HERC2: variants seen among roughly 807,000 people sequenced by gnomAD.
HERC2 encodes the protein HECT and RLD domain containing E3 ubiquitin protein ligase 2.
HERC2 carries 102 observed loss-of-function variants against 537.7 expected under a neutral mutation model. The ratio of observed to expected loss-of-function variants is 0.19; its 90% CI spans 0.16 to 0.22. HERC2 has a LOEUF of 0.22. HERC2 is among the 10% of genes least tolerant of loss of function. The pLI, the probability that HERC2 is intolerant of heterozygous loss-of-function variation, is 1.00. For synonymous variants in HERC2, 2,224 were observed against 2,466.2 expected, an observed-to-expected ratio of 0.90 and a Z score of 2.91; for missense variants, 4,236 against 6,198.2, an observed-to-expected ratio of 0.68 and a Z score of 10.63.
intron 12 of HERC2, among the ~76,000 whole-genome samples, chr15:28,266,291 A>G (rs1387061691): frequency 6.6e-6 from 1 of 152,150 alleles, no homozygotes; most frequent in Non-Finnish European, 1.5e-5. Context: ...CGAGGTGGGC[A>G]GATCACCTGA....
chr15:28,121,425 G>A lies in HERC2; in HGVS notation c.13193C>T (p.Ala4398Val), dbSNP rs761343009. Residue 4398 changes from alanine (A) to valine (V), a missense_variant, in exon 86 of 93, where the codon GCG becomes GTG. Physicochemically the swap from Ala to Val is moderately conservative, Grantham distance 64 (BLOSUM62 0). Transcript: ENST00000261609. ...RGILISQGKE[A>V]AFRKVVQATM... The stretch of plus-strand genomic sequence containing the variant: ...TGCTTGTACTACTTTCCGGAAAGCC[G>A]CCTCCTAAAACACATCAAACAGACA... 11 of 1,613,700 alleles carry A rather than the reference G, an allele frequency of 6.8e-6. No homozygotes were observed. The highest frequency in any genetic ancestry group is 4.5e-5 in the East Asian group (2 of 44,884).
chr15:28,282,977 G>T (rs751523024), intron 4 of HERC2, among the ~76,000 whole-genome samples: 1 of 148,246 alleles, frequency 6.7e-6, no homozygotes, highest in Non-Finnish European at 1.5e-5. Context: ...GGGATGGGAC[G>T]GGACGGGACT....
At position 28,268,702 on chromosome 15, in the gene HERC2, A is replaced by C; in HGVS notation, c.1447-86T>G. 1 of 1,157,476 alleles carries C rather than the reference A, an allele frequency of 8.6e-7. No homozygotes were observed. Among genetic ancestry groups the C allele is most frequent in the Middle Eastern group, 2.0e-4 (1 of 5,106 alleles). The allele number at this position is 1,157,476 out of a possible 1,614,324, so 71.7% of individuals were successfully genotyped here. A position where few individuals can be genotyped will look rare whatever the true frequency, so the allele number is the denominator to read the frequency against. ...AGCTCTCCGTTATCATGTATCCCCA[A>C]GCAAAGCCTGCTGTAACTCCAAGTG... On this transcript the variant is annotated intron_variant, in intron 11 of 92. Transcript: ENST00000261609. The surrounding 1 kb of genome is among the most constrained non-coding windows in gnomAD (Gnocchi z 4.7).
intron 83 of HERC2, among the ~76,000 whole-genome samples, 191 bp downstream of exon 83, chr15:28,129,972 A>T (rs1889935241): frequency 6.6e-6 from 1 of 151,852 alleles, no homozygotes; most frequent in Non-Finnish European, 1.5e-5. Context: ...GATGATGTTT[A>T]CCGTGTAGGC....
chr15:28,168,964 A>G (rs1336563092), intron 66 of HERC2, among the ~76,000 whole-genome samples: 1 of 152,248 alleles, frequency 6.6e-6, no homozygotes. Flanking sequence ...CATACTGAGC[A>G]GCAACGACTC....
At chr15:28,245,598 C>CATATATGT (rs1567064003) in intron 23 of HERC2, among the ~76,000 whole-genome samples, 3 of 137,044 alleles carry the variant, frequency 2.2e-5, no homozygotes, top group Non-Finnish European at 4.6e-5. Flanking sequence ...CACACACACA[C>CATATATGT]ACACACAGAT....
Position 28,116,862 on chromosome 15 carries a change from G to A in HERC2, c.13415-3C>T. ...CCCACAGTCATCCACAGATTCACCT[G>A]CAGGGGAGAAGCAGCCACTCGAAGT... On this transcript the variant is annotated splice_polypyrimidine_tract_variant and splice_region_variant and intron_variant, in intron 87 of 92. Coordinates refer to ENST00000261609, the MANE Select transcript of HERC2 (RefSeq NM_004667.6). 1 of 1,610,156 alleles carries A rather than the reference G, an allele frequency of 6.2e-7. No homozygotes were observed. Among genetic ancestry groups the A allele is most frequent in the Non-Finnish European group, 8.5e-7 (1 of 1,178,054 alleles).
At chr15:28,269,490 G>A (rs1042043017) in intron 10 of HERC2, 54 bp from the exon 11 acceptor site, 1 of 1,432,520 alleles carries the variant, frequency 7.0e-7, no homozygotes, top group African/African-American at 1.4e-5. Flanking sequence ...ATAAAAAAAG[G>A]CTGGGAGTAA....
intron 45 of HERC2, chr15:28,203,802 T>A (rs1365343510): frequency 6.6e-6 from 1 of 151,854 alleles, no homozygotes. Context: ...CAGCTGAATC[T>A]AAACTGAAGC....
chr15:28,112,951 C>T, intron 92 of HERC2, 120 bp downstream of exon 92: 1 of 761,336 alleles, frequency 1.3e-6, no homozygotes, highest in Non-Finnish European at 2.1e-6. Flanking sequence ...TTTCCATTTT[C>T]ATTTCTGTAA....
intron 69 of HERC2, among the ~76,000 whole-genome samples, chr15:28,156,293 T>C (rs1893003781): frequency 6.6e-6 from 1 of 152,250 alleles, no homozygotes; most frequent in Non-Finnish European, 1.5e-5. Flanking sequence ...TTTCCAATTC[T>C]GTGAAGAAAG....
chr15:28,172,061 G>C (rs1391969912), intron 65 of HERC2, among the ~76,000 whole-genome samples: 1 of 145,910 alleles, frequency 6.9e-6, no homozygotes, highest in Non-Finnish European at 1.5e-5. Context: ...GCGACAGAGC[G>C]AGACTCCGTC....
chr15:28,163,565 C>A (rs957783161), intron 68 of HERC2, among the ~76,000 whole-genome samples: 5 of 152,082 alleles, frequency 3.3e-5, no homozygotes, highest in African/African-American at 1.2e-4. Flanking sequence ...ATTACTGGGA[C>A]CAAGTTTGGA....
intron 69 of HERC2, among the ~76,000 whole-genome samples, chr15:28,153,809 A>G (rs1472527502): frequency 6.6e-6 from 1 of 152,190 alleles, no homozygotes; most frequent in Non-Finnish European, 1.5e-5. Flanking sequence ...CGGAAACAAA[A>G]ACATCAAGGG....
chr15:28,216,630 ACACT>A lies in HERC2; in HGVS notation c.6029-832_6029-829del, dbSNP rs1248434470. 4.7e-5 allele frequency among the ~76,000 whole-genome samples: 7 copies of A among 150,280 alleles called. No individual in the cohort carries two copies. In the South Asian group the frequency reaches 1.3e-3, roughly 28 times the overall value. ...CACACTCACATGCGCTCACACACAC[ACACT>A]CACTCTCACACCCTCATATGCATCC... On this transcript the variant is annotated intron_variant, in intron 38 of 92. Coordinates refer to ENST00000261609, the MANE Select transcript of HERC2 (RefSeq NM_004667.6).
intron 2 of HERC2, among the ~76,000 whole-genome samples, chr15:28,313,191 C>CT (rs1567154723): frequency 2.5e-5 from 2 of 79,002 alleles, no homozygotes; most frequent in African/African-American, 4.0e-5. Flanking sequence ...ACAGTTAAGG[C>CT]ATTTTTTTTT....
At chr15:28,255,775 T>TTA in intron 19 of HERC2, 97 bp downstream of exon 19, 1 of 1,315,014 alleles carries the variant, frequency 7.6e-7, no homozygotes, top group South Asian at 1.4e-5. Flanking sequence ...TGATAAAAGT[T>TTA]TAGAGTTTTA....
Position 28,113,509 on chromosome 15 carries a change from A to G in HERC2, c.14019+64T>C, listed in dbSNP as rs1887881312. On this transcript the variant is annotated intron_variant, in intron 91 of 92. Transcript: ENST00000261609. The surrounding 1 kb of genome is among the most constrained non-coding windows in gnomAD (Gnocchi z 7.0). ...CAAGGTTCTGACTCTAACTGCTGTC[A>G]CTGATTTGTGGGTCAGCAGGCAAAA... 1 of 1,386,326 alleles carries G rather than the reference A, an allele frequency of 7.2e-7. No homozygotes were observed. The highest frequency in any genetic ancestry group is 1.2e-5 in the South Asian group (1 of 86,018). 85.9% of individuals were successfully genotyped at this position (1,386,326 alleles called of 1,614,324 possible).
At chr15:28,293,087 A>G in intron 3 of HERC2, 65 bp from the exon 4 acceptor site, 2 of 1,456,520 alleles carry the variant, frequency 1.4e-6, no homozygotes, top group Non-Finnish European at 1.9e-6. Context: ...TAGTCTCTGC[A>G]AATGTCCCTC....
Sources: allele counts gnomAD v4.1 joint callset (sites outside exome capture counted in the v4.1 genomes callset), GRCh38; gene constraint gnomAD v4.1.1; non-coding constraint Gnocchi (gnomAD v3.1); transcripts MANE v1.5; gene names NCBI Gene and HGNC (gene_info 2026-07-23, HGNC 2026-07-21).